Variants in COBL observed in about 807,000 individuals in gnomAD.
The protein encoded by COBL is cordon-bleu WH2 repeat protein, also known as protein cordon-bleu.
COBL carries 51 observed loss-of-function variants against 98.8 expected under a neutral mutation model. That is an observed-to-expected ratio of 0.52 (90% CI 0.41 to 0.65). The LOEUF is 0.65. Among genes scored for constraint, COBL ranks in the 30% least tolerant of loss-of-function variants. The probability of loss-of-function intolerance (pLI) is 0.00; values close to 1 mark genes in which losing one functional copy is unlikely to be tolerated. For missense variants in COBL, 1,617 were observed against 1,617.5 expected, an observed-to-expected ratio of 1.00 and a Z score of 0.01; for synonymous variants, 634 against 651.7, an observed-to-expected ratio of 0.97 and a Z score of 0.41.
intron 6 of COBL, among the ~76,000 whole-genome samples, chr7:51,093,012 C>T (rs1170884069): frequency 1.3e-5 from 2 of 152,060 alleles, no homozygotes; most frequent in Non-Finnish European, 2.9e-5. Flanking sequence ...TTAACACATA[C>T]AAAAATTCAT....
chr7:51,171,510 A>C (rs1787874532), intron 5 of COBL, among the ~76,000 whole-genome samples: 1 of 152,180 alleles, frequency 6.6e-6, no homozygotes, highest in Non-Finnish European at 1.5e-5. Context: ...ACCTTTTCTT[A>C]TCAGTAAATC....
intron 7 of COBL, among the ~76,000 whole-genome samples, chr7:51,058,862 A>G (rs923096590): frequency 3.3e-5 from 5 of 152,174 alleles, no homozygotes; most frequent in Admixed American, 1.3e-4. Context: ...AGGTCCTCCA[A>G]CGACTTTCGT....
At chr7:51,263,262 C>A (rs1450510494) in intron 1 of COBL, among the ~76,000 whole-genome samples, 1 of 152,162 alleles carries the variant, frequency 6.6e-6, no homozygotes, top group Non-Finnish European at 1.5e-5. Flanking sequence ...CTCCTATGAG[C>A]AAGAGCACAC....
intron 5 of COBL, among the ~76,000 whole-genome samples, chr7:51,159,699 T>G (rs199855258): frequency 1.3e-5 from 2 of 152,098 alleles, no homozygotes; most frequent in East Asian, 3.9e-4. Context: ...CTACATTTAT[T>G]TTTTTCCCTC....
rs1412513421 is a variant in COBL, at chr7:51,029,431, C to A, written c.1665G>T (p.Gly555=). The A allele has an allele frequency of 3.7e-6, 6 of 1,614,130 alleles. No individual in the cohort carries two copies. Among genetic ancestry groups the A allele is most frequent in the East Asian group, 2.2e-5 (1 of 44,874 alleles). ...GEVSDDPVDS[G]LFSNRNNNAG... ...CATTGTTGTTTCTATTGGAAAACAA[C>A]CCCGAATCCACAGGATCATCTGAAA... Residue 555 remains glycine (G), a synonymous_variant, in exon 10 of 13, where the codon GGG becomes GGT. Transcript: ENST00000265136.
chr7:51,299,069 G>A (rs535422678), intron 1 of COBL, among the ~76,000 whole-genome samples: 39 of 152,274 alleles, frequency 2.6e-4, no homozygotes, highest in Admixed American at 5.9e-4. Context: ...AGGTGTTGCC[G>A]GTGGGCACCT....
At chr7:51,204,502 A>G (rs1484309557) in intron 2 of COBL, among the ~76,000 whole-genome samples, 1 of 152,140 alleles carries the variant, frequency 6.6e-6, no homozygotes, top group Admixed American at 6.5e-5. Flanking sequence ...CGTTAAAAGT[A>G]ATAAACAATT....
chr7:51,038,333 C>T (rs1166071230), intron 8 of COBL, among the ~76,000 whole-genome samples: 1 of 152,172 alleles, frequency 6.6e-6, no homozygotes, highest in South Asian at 2.1e-4. Context: ...CTGCACACAA[C>T]CCAAGCAGTG....
At chr7:51,077,378 C>A (rs897564870) in intron 7 of COBL, among the ~76,000 whole-genome samples, 1 of 152,150 alleles carries the variant, frequency 6.6e-6, no homozygotes, top group Non-Finnish European at 1.5e-5. Flanking sequence ...AGCCCTTCTC[C>A]TATATGTGTG....
chr7:51,221,306 G>A (rs10253894), intron 1 of COBL, among the ~76,000 whole-genome samples: 1 of 152,094 alleles, frequency 6.6e-6, no homozygotes. Context: ...AGAGACACAG[G>A]AATTCCTTTC....
At chr7:51,297,733 A>G (rs1030678594) in intron 1 of COBL, among the ~76,000 whole-genome samples, 4 of 152,206 alleles carry the variant, frequency 2.6e-5, no homozygotes. Context: ...ACTTCTATAA[A>G]GAAAACTACC....
chr7:51,078,211 T>G (rs1793274487), intron 7 of COBL, among the ~76,000 whole-genome samples: 1 of 152,156 alleles, frequency 6.6e-6, no homozygotes, highest in Non-Finnish European at 1.5e-5. Flanking sequence ...ATTACTCAAT[T>G]GTAGTCAATG....
At position 51,219,846 on chromosome 7, in the gene COBL, G is replaced by A. The variant is rs771521689; in HGVS notation, c.140C>T (p.Ser47Leu). The change falls in exon 2 of 13, where the codon TCG becomes TTG. Residue 47 changes from serine to leucine, a missense_variant. Physicochemically the swap from Ser to Leu is moderately radical, Grantham distance 145. Coordinates refer to ENST00000265136, the MANE Select transcript of COBL (RefSeq NM_015198.5). ...QKPPHDGALG[S>L]QQNLVRMKEA... ...CTTCATGCGAACCAAGTTCTGCTGC[G>A]ACCCGAGGGCCCCATCGTGGGGGGG... is the stretch of plus-strand genomic sequence containing the variant. 46 of 1,613,890 alleles carry A rather than the reference G, an allele frequency of 2.9e-5. No homozygotes were observed. The highest frequency in any genetic ancestry group is 3.4e-5 in the Non-Finnish European group (40 of 1,180,036).
Position 51,016,885 on chromosome 7 carries a change from G to A in COBL, c.*666C>T, listed in dbSNP as rs759102489. The A allele has an allele frequency of 1.9e-4, 76 of 399,498 alleles. No individual in the cohort carries two copies. The highest frequency in any genetic ancestry group is 2.7e-4 in the Non-Finnish European group (62 of 226,872). The allele number at this position is 399,498 out of a possible 1,614,324, so 24.7% of individuals were successfully genotyped here. ...GGGCATGCCCTGGCCACATGATCAC[G>A]TAGGACTGTTTTCTGGGTGGTAATA... On this transcript the variant is annotated 3_prime_UTR_variant, in exon 13 of 13. Coordinates refer to ENST00000265136, the MANE Select transcript of COBL (RefSeq NM_015198.5).
chr7:51,218,819 A>G (rs1321447671), intron 2 of COBL, among the ~76,000 whole-genome samples: 1 of 152,214 alleles, frequency 6.6e-6, no homozygotes, highest in Non-Finnish European at 1.5e-5. Context: ...ATGCTGCTTC[A>G]ATTCACTGCT....
chr7:51,105,086 A>G (rs1302307958), intron 6 of COBL, among the ~76,000 whole-genome samples: 1 of 152,012 alleles, frequency 6.6e-6, no homozygotes, highest in South Asian at 2.1e-4. Context: ...TTGTAACCCC[A>G]TATTACTCGA....
intron 5 of COBL, among the ~76,000 whole-genome samples, chr7:51,178,546 T>C (rs774776635): frequency 1.7e-4 from 26 of 152,308 alleles, no homozygotes; most frequent in Middle Eastern, 3.4e-3. Flanking sequence ...ATTTACCTTT[T>C]GAATAAGCTG....
At chr7:51,080,573 T>C (rs759353778) in intron 7 of COBL, among the ~76,000 whole-genome samples, 1 of 152,182 alleles carries the variant, frequency 6.6e-6, no homozygotes, top group African/African-American at 2.4e-5. Flanking sequence ...TACGAAGCAG[T>C]GAGAGAGCTT....
intron 1 of COBL, among the ~76,000 whole-genome samples, chr7:51,267,695 C>A (rs1369220818): frequency 6.6e-6 from 1 of 152,086 alleles, no homozygotes; most frequent in Non-Finnish European, 1.5e-5. Context: ...GTGCCTCAGC[C>A]TCCAAGAAGC....
Sources: gnomAD v4.1 joint callset for allele counts (sites outside exome capture counted in the v4.1 genomes callset) on GRCh38, gnomAD v4.1.1 for gene constraint, MANE v1.5 for transcripts, NCBI Gene and HGNC (gene_info 2026-07-23, HGNC 2026-07-21) for gene names.